The following TNS1 variants were observed in gnomAD, a reference collection of about 807,000 sequenced individuals.
The protein encoded by TNS1 is tensin-1.
A neutral mutation model predicts 168.6 loss-of-function variants in TNS1; 62 were observed. The ratio of observed to expected loss-of-function variants is 0.37; its 90% CI spans 0.30 to 0.45. The LOEUF is 0.45. Ranked by LOEUF, TNS1 falls within the 20% of genes least tolerant of loss-of-function variation. TNS1 has a pLI of 1.00. For synonymous variants in TNS1, 934 were observed against 933.2 expected (o/e 1.00, Z -0.02); for missense variants, 2,240 against 2,339.4 (o/e 0.96, Z 0.88).
rs559720944 is a variant in TNS1, at chr2:217,951,308, C to T, written c.186+27457G>A. On this transcript the variant is annotated intron_variant, in intron 3 of 32. Coordinates refer to ENST00000682258, the MANE Select transcript of TNS1 (RefSeq NM_001387777.1). ...CCTCCTTCAAAGAAGCCGTCACCAC[C>T]CCCATCCCAGAATTACGATTCATCT... Among the ~76,000 whole-genome samples the T allele has an allele frequency of 4.6e-5, 7 of 152,332 alleles. No individual in the cohort carries two copies. In the South Asian group the frequency reaches 1.2e-3, roughly 27 times the overall value.
intron 1 of TNS1, among the ~76,000 whole-genome samples, chr2:217,998,221 G>GTGTC (rs113510224): frequency 1.3e-5 from 2 of 149,460 alleles, no homozygotes; most frequent in Non-Finnish European, 3.0e-5. Flanking sequence ...CTCCATCAGT[G>GTGTC]TCTCTCTCTC....
intron 6 of TNS1, chr2:217,905,518 G>T (rs1415122597): frequency 7.1e-6 from 2 of 283,246 alleles, no homozygotes; most frequent in African/African-American, 2.2e-5. Context: ...CCCCACCGTG[G>T]GTCAGGCAGC....
chr2:217,849,957 G>A, intron 18 of TNS1: 5 of 985,388 alleles, frequency 5.1e-6, no homozygotes, highest in Non-Finnish European at 6.0e-6. Flanking sequence ...CAATGCAAAG[G>A]ATGTGATAGA....
At chr2:217,858,607 G>A in intron 18 of TNS1, 1 of 984,940 alleles carries the variant, frequency 1.0e-6, no homozygotes, top group Non-Finnish European at 1.2e-6. Context: ...TGCTGTCTGT[G>A]TCCTACTCAA....
chr2:218,009,474 C>T (rs1027794139), intron 1 of TNS1, among the ~76,000 whole-genome samples: 24 of 152,040 alleles, frequency 1.6e-4, no homozygotes, highest in African/African-American at 5.6e-4. Context: ...CCAGGACACG[C>T]CCACCCACAG....
intron 18 of TNS1, among the ~76,000 whole-genome samples, chr2:217,863,844 G>C (rs1336887068): frequency 6.6e-6 from 1 of 152,146 alleles, no homozygotes; most frequent in Non-Finnish European, 1.5e-5. Flanking sequence ...GGGATAGAGG[G>C]AGGAAGGGCC....
At chr2:217,869,175 T>C (rs992894442) in intron 18 of TNS1, among the ~76,000 whole-genome samples, 1 of 152,178 alleles carries the variant, frequency 6.6e-6, no homozygotes, top group African/African-American at 2.4e-5. Flanking sequence ...GGAGGGCCTC[T>C]GCTGCAGGAA....
Position 218,026,232 on chromosome 2 carries a change from C to G in TNS1, c.156+7588G>C, listed in dbSNP as rs563946532. Among the ~76,000 whole-genome samples the G allele has an allele frequency of 1.6e-3, 237 of 152,328 alleles. 8 individuals carry two copies. The South Asian group carries it at 0.044, about 29-fold the overall frequency. On this transcript the variant is annotated intron_variant, in intron 1 of 1. Transcript: ENST00000649572. Reference sequence around the variant, plus strand: ...ACATAAGATCTTCATCAACACACAGCCTTTAAGTAGCCAAGCCCAAGTGGA... The same window carrying G: ...ACATAAGATCTTCATCAACACACAGGCTTTAAGTAGCCAAGCCCAAGTGGA...
chr2:217,955,445 C>A (rs1004331563), intron 3 of TNS1, among the ~76,000 whole-genome samples: 1 of 151,958 alleles, frequency 6.6e-6, no homozygotes, highest in African/African-American at 2.4e-5. Flanking sequence ...GCACAGTGCC[C>A]GTCCACCACC....
Position 217,893,131 on chromosome 2 carries a change from G to A in TNS1, c.718-119C>T, listed in dbSNP as rs190023614. 8 of 1,305,744 alleles carry A rather than the reference G, an allele frequency of 6.1e-6. No homozygotes were observed. In the East Asian group the frequency reaches 1.9e-4, roughly 31 times the overall value. The allele number at this position is 1,305,744 out of a possible 1,614,324, so 80.9% of individuals were successfully genotyped here. On this transcript the variant is annotated intron_variant, in intron 10 of 32. Coordinates refer to ENST00000682258, the MANE Select transcript of TNS1 (RefSeq NM_001387777.1). ...CTGGAGAGAGGGGTGTGGATTTAAG[G>A]GAGAACATAAGGAGGAAGGGGGCCT...
At chr2:217,817,413 G>A (rs1397982717) in intron 24 of TNS1, among the ~76,000 whole-genome samples, 1 of 152,090 alleles carries the variant, frequency 6.6e-6, no homozygotes, top group Admixed American at 6.6e-5. Context: ...ATGGCTATGA[G>A]GACGATGATA....
chr2:217,970,844 GA>G (rs1460005663), intron 3 of TNS1, among the ~76,000 whole-genome samples: 1 of 151,944 alleles, frequency 6.6e-6, no homozygotes, highest in Non-Finnish European at 1.5e-5. Context: ...AAAAATCATT[GA>G]ATTGTACACT....
intron 1 of TNS1, among the ~76,000 whole-genome samples, chr2:217,996,074 C>T (rs566164776): frequency 4.4e-4 from 67 of 152,268 alleles, no homozygotes; most frequent in Admixed American, 1.6e-3. Flanking sequence ...CTCCCTGCCC[C>T]GTGGGGGCAG....
intron 7 of TNS1, 91 bp downstream of exon 7, chr2:217,900,372 C>T: frequency 7.0e-7 from 1 of 1,438,744 alleles, no homozygotes; most frequent in Non-Finnish European, 9.4e-7. Context: ...TGGCTGCAGT[C>T]CGGGGGACCC....
chr2:217,823,666 C>A (rs1446305853), intron 22 of TNS1, among the ~76,000 whole-genome samples: 2 of 152,208 alleles, frequency 1.3e-5, no homozygotes, highest in African/African-American at 4.8e-5. Context: ...CAGCTCCAGC[C>A]ACAGCCTGCC....
chr2:218,026,459 A>C (rs2106013436), intron 1 of TNS1, among the ~76,000 whole-genome samples: 1 of 152,320 alleles, frequency 6.6e-6, no homozygotes, highest in African/African-American at 2.4e-5. Flanking sequence ...GGAGGCAGAC[A>C]GGAGACCAGA....
intron 32 of TNS1, among the ~76,000 whole-genome samples, chr2:217,805,664 T>TACACAAC (rs1191087958): frequency 2.0e-4 from 4 of 19,570 alleles, no homozygotes; most frequent in Non-Finnish European, 4.0e-4. Flanking sequence ...ACAACACACA[T>TACACAAC]ATCACCACAC....
At chr2:217,887,281 T>C (rs914653100) in intron 12 of TNS1, among the ~76,000 whole-genome samples, 2 of 152,230 alleles carry the variant, frequency 1.3e-5, no homozygotes, top group Non-Finnish European at 2.9e-5. Flanking sequence ...AGTATCTATC[T>C]CTAGGGTCAA....
chr2:217,885,897 C>G, intron 14 of TNS1, 78 bp from the exon 15 acceptor site: 2 of 1,556,982 alleles, frequency 1.3e-6, no homozygotes, highest in East Asian at 4.5e-5. Flanking sequence ...CCCTGCTGCC[C>G]CTACGCCACA....
Sources: gnomAD v4.1 joint callset for allele counts (sites outside exome capture counted in the v4.1 genomes callset) on GRCh38, gnomAD v4.1.1 for gene constraint, MANE v1.5 for transcripts, NCBI Gene and HGNC (gene_info 2026-07-23, HGNC 2026-07-21) for gene names.